PDE11A: variants seen among roughly 807,000 people sequenced by gnomAD.
The protein encoded by PDE11A is phosphodiesterase 11A.
In PDE11A, 100 loss-of-function variants were observed where a neutral mutation model predicts 100.5. The ratio of observed to expected loss-of-function variants is 1.00; its 90% CI spans 0.85 to 1.18. The LOEUF (loss-of-function observed/expected upper bound fraction) is 1.18. PDE11A is among the 50% of genes most tolerant of loss of function. The pLI is 0.00. For missense variants in PDE11A, 1,141 were observed against 1,152.6 expected (o/e 0.99, Z 0.15); for synonymous variants, 381 against 420.8 (o/e 0.91, Z 1.16).
At chr2:178,021,582 C>A (rs1456631692) in intron 1 of PDE11A, among the ~76,000 whole-genome samples, 2 of 151,920 alleles carry the variant, frequency 1.3e-5, no homozygotes, top group African/African-American at 2.4e-5. Flanking sequence ...ATAGAAGGAA[C>A]AAAAGTTTAA....
chr2:178,102,847 G>A (rs980150288), intron 2 of PDE11A, among the ~76,000 whole-genome samples: 2 of 152,172 alleles, frequency 1.3e-5, no homozygotes, highest in Non-Finnish European at 2.9e-5. Flanking sequence ...TAGAGTCATT[G>A]CAGATGTGAT....
chr2:177,850,710 C>G (rs901185313), intron 5 of PDE11A, among the ~76,000 whole-genome samples: 10 of 152,122 alleles, frequency 6.6e-5, no homozygotes, highest in African/African-American at 9.7e-5. Flanking sequence ...ACAACCCCAT[C>G]AAAAAGTGGG....
At chr2:177,955,986 G>T (rs1477567644) in intron 2 of PDE11A, among the ~76,000 whole-genome samples, 1 of 152,112 alleles carries the variant, frequency 6.6e-6, no homozygotes, top group East Asian at 1.9e-4. Flanking sequence ...ATACCATTCA[G>T]GACATAGGCA....
intron 5 of PDE11A, among the ~76,000 whole-genome samples, chr2:177,872,813 G>A (rs1315659440): frequency 1.3e-5 from 2 of 152,024 alleles, no homozygotes; most frequent in Non-Finnish European, 2.9e-5. Context: ...TGTCACTGGT[G>A]AAGTAAATTC....
intron 8 of PDE11A, 49 bp downstream of exon 8, chr2:177,817,809 C>T (rs1257690584): frequency 1.2e-6 from 1 of 837,022 alleles, no homozygotes; most frequent in Non-Finnish European, 2.1e-6. Flanking sequence ...CAAGCTGCAA[C>T]CAGGGGACTA....
chr2:177,808,900 G>T (rs972707377), intron 9 of PDE11A, among the ~76,000 whole-genome samples: 6 of 152,100 alleles, frequency 3.9e-5, no homozygotes, highest in African/African-American at 9.7e-5. Flanking sequence ...ACAAAATGTG[G>T]TATATACTTA....
intron 2 of PDE11A, among the ~76,000 whole-genome samples, chr2:178,083,799 A>T (rs1259868651): frequency 6.6e-6 from 1 of 152,186 alleles, no homozygotes; most frequent in African/African-American, 2.4e-5. Flanking sequence ...AGTTTCACAG[A>T]TTTTGCTTTT....
intron 2 of PDE11A, chr2:177,922,813 C>A (rs1366897718): frequency 2.0e-6 from 2 of 984,798 alleles, no homozygotes; most frequent in East Asian, 1.1e-4. Context: ...CATCTTCCAG[C>A]ACTCTTCTCC....
At chr2:177,944,981 C>G (rs1037235069) in intron 2 of PDE11A, among the ~76,000 whole-genome samples, 3 of 150,068 alleles carry the variant, frequency 2.0e-5, no homozygotes, top group African/African-American at 7.3e-5. Context: ...CAGGCACGCG[C>G]CGCCACGCCT....
chr2:177,650,337 T>C (rs1179046294), intron 19 of PDE11A, among the ~76,000 whole-genome samples: 1 of 152,242 alleles, frequency 6.6e-6, no homozygotes, highest in Admixed American at 6.5e-5. Flanking sequence ...AAGGGTCCCA[T>C]CCATCATCAT....
chr2:177,630,498 C>G (rs182090239), intron 19 of PDE11A, among the ~76,000 whole-genome samples: 1 of 152,070 alleles, frequency 6.6e-6, no homozygotes, highest in African/African-American at 2.4e-5. Context: ...GGGGCAGGGC[C>G]GAGGATTTTG....
intron 19 of PDE11A, among the ~76,000 whole-genome samples, chr2:177,649,370 A>G (rs1432973607): frequency 6.6e-6 from 1 of 152,038 alleles, no homozygotes; most frequent in Non-Finnish European, 1.5e-5. Context: ...CAATGTCCAT[A>G]AATAAATAAT....
intron 1 of PDE11A, among the ~76,000 whole-genome samples, chr2:178,047,862 G>A (rs996216202): frequency 6.6e-6 from 1 of 152,144 alleles, no homozygotes; most frequent in African/African-American, 2.4e-5. Flanking sequence ...AGAGAGAGAG[G>A]TCATCTGCCT....
In PDE11A at chr2:178,065,096, T is replaced by G. The variant is rs146730299; in HGVS notation, c.912+6430A>C. Among the ~76,000 whole-genome samples, 466 of 152,244 alleles carry G rather than the reference T, an allele frequency of 3.1e-3. 3 individuals carry two copies. Among genetic ancestry groups the G allele is most frequent in the African/African-American group, 0.01 (436 of 41,546 alleles). On this transcript the variant is annotated intron_variant, in intron 1 of 19. Transcript: ENST00000286063. The stretch of plus-strand genomic sequence containing the variant: ...CCTATAAATGACCAGGAACTGAAAC[T>G]TCTCCTAAAATATTAGCAACTTAAC...
At chr2:177,637,981 A>G (rs1412169071) in intron 19 of PDE11A, among the ~76,000 whole-genome samples, 25 of 41,144 alleles carry the variant, frequency 6.1e-4, no homozygotes, top group African/African-American at 1.7e-3. Context: ...ATACACGTGT[A>G]TATATATATA....
intron 5 of PDE11A, among the ~76,000 whole-genome samples, chr2:177,853,904 G>GTATATATGTGCATATATATGTA (rs1178739145): frequency 1.4e-5 from 2 of 140,338 alleles, no homozygotes; most frequent in Admixed American, 7.3e-5. Context: ...AGATATATAT[G>GTATATATGTGCATATATATGTA]TATATATGTG....
intron 2 of PDE11A, among the ~76,000 whole-genome samples, chr2:177,987,597 T>C (rs923121392): frequency 3.9e-5 from 6 of 152,314 alleles, no homozygotes; most frequent in Admixed American, 3.9e-4. Flanking sequence ...TCATCAGAAA[T>C]AAATGTTTTA....
intron 10 of PDE11A, among the ~76,000 whole-genome samples, chr2:177,735,463 A>G (rs1273671380): frequency 6.6e-6 from 1 of 152,070 alleles, no homozygotes; most frequent in Non-Finnish European, 1.5e-5. Context: ...GAATGAGCGT[A>G]TGAGATGCAA....
intron 2 of PDE11A, among the ~76,000 whole-genome samples, chr2:177,940,475 AC>A (rs1204353784): frequency 6.6e-6 from 1 of 152,226 alleles, no homozygotes; most frequent in African/African-American, 2.4e-5. Flanking sequence ...GCATAGCTGA[AC>A]TAAGAAGGTA....
Sources: gnomAD v4.1 joint callset for allele counts (sites outside exome capture counted in the v4.1 genomes callset) on GRCh38, gnomAD v4.1.1 for gene constraint, MANE v1.5 for transcripts, NCBI Gene and HGNC (gene_info 2026-07-23, HGNC 2026-07-21) for gene names.